NUAK1: variants seen among roughly 807,000 people sequenced by gnomAD.
NUAK1 encodes the protein NUAK family kinase 1, also known as NUAK family SNF1-like kinase 1.
NUAK1 carries 26 observed loss-of-function variants against 56.9 expected under a neutral mutation model. The observed-to-expected ratio is 0.46, with a 90% confidence interval of 0.33 to 0.63. The LOEUF is 0.63. Ranked by LOEUF, NUAK1 falls within the 30% of genes least tolerant of loss-of-function variation. NUAK1 has a pLI of 0.02. For missense variants in NUAK1, 727 were observed against 876.1 expected, an observed-to-expected ratio of 0.83 and a Z score of 2.15; for synonymous variants, 337 against 336.0, an observed-to-expected ratio of 1.00 and a Z score of -0.03.
rs751592845 is a variant in NUAK1, at chr12:106,138,553, A to G, written c.101T>C (p.Leu34Pro). Residue 34 changes from leucine to proline, a missense_variant, in exon 1 of 7, where the codon CTG becomes CCG. Transcript: ENST00000261402. The surrounding 1 kb of genome is among the most constrained non-coding windows in gnomAD (Gnocchi z 5.0). ...REAVAGATAA[L>P]EPRKPHGVKR... ...CACCCCGTGCGGCTTCCTGGGCTCC[A>G]GGGCTGCAGTCGCCCCCGCCACCGC... 1 of 1,609,430 alleles carries G rather than the reference A, an allele frequency of 6.2e-7. No homozygotes were observed. The highest frequency in any genetic ancestry group is 8.5e-7 in the Non-Finnish European group (1 of 1,179,290).
chr12:106,134,477 G>A (rs1466112832), intron 1 of NUAK1, among the ~76,000 whole-genome samples: 1 of 152,202 alleles, frequency 6.6e-6, no homozygotes, highest in Non-Finnish European at 1.5e-5. Context: ...GACTGTGGGG[G>A]AGGGGCACAC....
At chr12:106,087,817 T>C (rs2032589135) in intron 2 of NUAK1, among the ~76,000 whole-genome samples, 1 of 152,198 alleles carries the variant, frequency 6.6e-6, no homozygotes, top group African/African-American at 2.4e-5. Flanking sequence ...AAAGATCAAG[T>C]GCAGAACTAC....
intron 1 of NUAK1, among the ~76,000 whole-genome samples, chr12:106,126,105 A>G (rs1427361262): frequency 6.6e-6 from 1 of 152,232 alleles, no homozygotes; most frequent in Non-Finnish European, 1.5e-5. Context: ...ATTCTGAGAG[A>G]TTAAAGAAGA....
chr12:106,133,533 C>A (rs1239422452), intron 1 of NUAK1, among the ~76,000 whole-genome samples: 1 of 152,168 alleles, frequency 6.6e-6, no homozygotes, highest in Non-Finnish European at 1.5e-5. Flanking sequence ...AGCTGTCTGA[C>A]CCTTGGCAAG....
Position 106,066,388 on chromosome 12 carries a change from A to C in NUAK1, c.*414T>G. On this transcript the variant is annotated 3_prime_UTR_variant, in exon 7 of 7. Transcript: ENST00000261402. ...AGACCTAGCTTGCTAATACAAGGAGAAAAGGGGCAAGTTCTTTGGGCTCAC... is the reference window on the plus strand; with the variant it reads ...AGACCTAGCTTGCTAATACAAGGAGCAAAGGGGCAAGTTCTTTGGGCTCAC... The C allele has an allele frequency of 5.7e-6, 1 of 175,138 alleles. No homozygotes were observed. Among genetic ancestry groups the C allele is most frequent in the Admixed American group, 5.5e-5 (1 of 18,230 alleles). The allele number at this position is 175,138 out of a possible 1,614,324, so 10.8% of individuals were successfully genotyped here.
At chr12:106,122,048 G>A (rs1347422826) in intron 1 of NUAK1, among the ~76,000 whole-genome samples, 2 of 152,058 alleles carry the variant, frequency 1.3e-5, no homozygotes, top group East Asian at 3.9e-4. Flanking sequence ...TCCTCCATTA[G>A]ACCAAGTGCA....
intron 6 of NUAK1, among the ~76,000 whole-genome samples, chr12:106,070,041 C>G (rs1339362266): frequency 6.6e-6 from 1 of 152,164 alleles, no homozygotes; most frequent in Non-Finnish European, 1.5e-5. Flanking sequence ...GAGCGAGACA[C>G]TCTCTCAAGA....
At chr12:106,071,100 C>T (rs182843313) in intron 5 of NUAK1, among the ~76,000 whole-genome samples, 194 bp from the exon 6 acceptor site, 42 of 152,336 alleles carry the variant, frequency 2.8e-4, no homozygotes, top group African/African-American at 9.9e-4. Flanking sequence ...CAGAGCCTGA[C>T]CTTTCCATTC....
chr12:106,080,497 C>T (rs1181815984), intron 4 of NUAK1, among the ~76,000 whole-genome samples: 9 of 152,178 alleles, frequency 5.9e-5, no homozygotes, highest in East Asian at 3.9e-4. Flanking sequence ...TTCCAGAGTA[C>T]GGAATGCAGC....
At chr12:106,086,708 A>G in intron 3 of NUAK1, 26 bp downstream of exon 3, 2 of 1,589,144 alleles carry the variant, frequency 1.3e-6, no homozygotes, top group Non-Finnish European at 1.7e-6. Flanking sequence ...TCTACGGCCA[A>G]AGCTGCGGGC....
rs773115753 is a variant in NUAK1 at position 106,064,795 on chromosome 12, C to CA, written c.*2006_*2007insT. On this transcript the variant is annotated 3_prime_UTR_variant, in exon 7 of 7. Coordinates refer to ENST00000261402, the MANE Select transcript of NUAK1 (RefSeq NM_014840.3). ...GTCCTCCATGCACCCACACCCCCAC[C>CA]CCCCCCCACACACACAATTTGCTAT... 5 of 136,010 alleles carry CA rather than the reference C, an allele frequency of 3.7e-5. No individual in the cohort carries two copies. The highest frequency in any genetic ancestry group is 3.7e-3 in the Middle Eastern group (1 of 268). 8.4% of individuals were successfully genotyped at this position (136,010 alleles called of 1,614,324 possible).
chr12:106,088,901 C>T (rs2032603900), intron 2 of NUAK1, among the ~76,000 whole-genome samples: 1 of 152,122 alleles, frequency 6.6e-6, no homozygotes, highest in Admixed American at 6.5e-5. Context: ...CTTTTTGGCT[C>T]CTTCAAGTCC....
At chr12:106,110,679 TCACAGTACAGC>T (rs774987515) in intron 1 of NUAK1, among the ~76,000 whole-genome samples, 7 of 152,236 alleles carry the variant, frequency 4.6e-5, no homozygotes, top group African/African-American at 7.2e-5. Context: ...TGAGCCCGAC[TCACAGTACAGC>T]CACATTCATA....
chr12:106,095,819 G>A (rs1453236676), intron 2 of NUAK1, among the ~76,000 whole-genome samples: 1 of 152,192 alleles, frequency 6.6e-6, no homozygotes, highest in Non-Finnish European at 1.5e-5. Flanking sequence ...CTGAGGTGAA[G>A]GCAAGCCTAG....
chr12:106,120,972 G>A lies in NUAK1; in HGVS notation c.241-14447C>T, dbSNP rs531419099. ...CTAGCAGTGCATTACAGTGACCTAC[G>A]GGTCTGTTTAAAAATACTGATACCT... On this transcript the variant is annotated intron_variant, in intron 1 of 6. Transcript: ENST00000261402. 9.9e-5 allele frequency among the ~76,000 whole-genome samples: 15 copies of A among 152,262 alleles called. No homozygotes were observed. The East Asian group carries it at 2.1e-3, about 22-fold the overall frequency.
chr12:106,096,239 G>A (rs150386333), intron 2 of NUAK1, among the ~76,000 whole-genome samples: 75 of 152,254 alleles, frequency 4.9e-4, no homozygotes, highest in African/African-American at 1.7e-3. Flanking sequence ...AGGAAACCCA[G>A]GAGGGTGAGG....
intron 5 of NUAK1, among the ~76,000 whole-genome samples, chr12:106,071,858 C>T (rs935553767): frequency 3.9e-5 from 6 of 152,098 alleles, no homozygotes; most frequent in African/African-American, 1.4e-4. Flanking sequence ...CTTCTCTTTA[C>T]CCTTCAGCCC....
chr12:106,079,695 G>A (rs1257056931), intron 4 of NUAK1, among the ~76,000 whole-genome samples: 2 of 152,206 alleles, frequency 1.3e-5, no homozygotes, highest in South Asian at 2.1e-4. Flanking sequence ...TTCTCATCCT[G>A]CATGGATTTT....
chr12:106,138,692 C>A lies in NUAK1; in HGVS notation c.-39G>T. On this transcript the variant is annotated 5_prime_UTR_variant, in exon 1 of 7. Coordinates refer to ENST00000261402, the MANE Select transcript of NUAK1 (RefSeq NM_014840.3). This position sits in a 1 kb window ranked among gnomAD's most constrained non-coding sequence, Gnocchi z 5.0. ...GCGAGCCGGGCTACAGAGGGCAAGA[C>A]CGGGCACAGCGCTGGGATGTCGGGG... 1 of 1,468,894 alleles carries A rather than the reference C, an allele frequency of 6.8e-7. No individual in the cohort carries two copies. Among genetic ancestry groups the A allele is most frequent in the African/African-American group, 1.4e-5 (1 of 71,086 alleles). The allele number at this position is 1,468,894 out of a possible 1,614,324, so 91.0% of individuals were successfully genotyped here.
Sources: gnomAD v4.1 joint callset for allele counts (sites outside exome capture counted in the v4.1 genomes callset) on GRCh38, gnomAD v4.1.1 for gene constraint, Gnocchi (gnomAD v3.1) non-coding constraint, MANE v1.5 for transcripts, NCBI Gene and HGNC (gene_info 2026-07-23, HGNC 2026-07-21) for gene names.